Variants in ATP8B4 observed in about 807,000 individuals in gnomAD.
The protein encoded by ATP8B4 is ATPase phospholipid transporting 8B4 (putative), also known as probable phospholipid-transporting ATPase IM.
A neutral mutation model predicts 145.6 loss-of-function variants in ATP8B4; 133 were observed. The ratio of observed to expected loss-of-function variants is 0.91; its 90% CI spans 0.79 to 1.05. The LOEUF (loss-of-function observed/expected upper bound fraction) is 1.05, where lower values mean the gene tolerates loss of function less well. Among genes scored for constraint, ATP8B4 ranks in the 50% least tolerant of loss-of-function variants. The pLI is 0.00. For synonymous variants in ATP8B4, 507 were observed against 492.9 expected (o/e 1.03, Z -0.38); for missense variants, 1,458 against 1,425.2 (o/e 1.02, Z -0.37).
At chr15:49,987,694 C>G in intron 9 of ATP8B4, 145 bp from the exon 10 acceptor site, 1 of 821,218 alleles carries the variant, frequency 1.2e-6, no homozygotes, top group Non-Finnish European at 1.8e-6. Flanking sequence ...AAAAAATAAG[C>G]TGGGAGGTAG....
rs1294911445 is a variant in ATP8B4, at chr15:49,898,366, A to T, written c.2290-115T>A. ...TTTCATTTGTTTGCTAAACCATTTC[A>T]TTCACTCCAAAAAGTCATTGTTGAT... On this transcript the variant is annotated intron_variant, in intron 21 of 27. Transcript: ENST00000284509. 5 of 1,111,450 alleles carry T rather than the reference A, an allele frequency of 4.5e-6. No individual in the cohort carries two copies. In the East Asian group the frequency reaches 1.3e-4, roughly 29 times the overall value. 68.8% of individuals were successfully genotyped at this position (1,111,450 alleles called of 1,614,324 possible). A position where few individuals can be genotyped will look rare whatever the true frequency, so the allele number is the denominator to read the frequency against.
At chr15:50,115,901 G>A (rs1321580932) in intron 1 of ATP8B4, among the ~76,000 whole-genome samples, 2 of 152,214 alleles carry the variant, frequency 1.3e-5, no homozygotes, top group South Asian at 4.1e-4. Flanking sequence ...GTTGCGGGGA[G>A]ACAGAAGAGG....
At chr15:49,971,460 G>A (rs1028227846) in intron 13 of ATP8B4, among the ~76,000 whole-genome samples, 11 of 152,248 alleles carry the variant, frequency 7.2e-5, no homozygotes, top group African/African-American at 2.2e-4. Context: ...AGTGGGCAAA[G>A]GATATGAACA....
At chr15:50,111,915 C>A (rs1286428456) in intron 1 of ATP8B4, among the ~76,000 whole-genome samples, 3 of 152,136 alleles carry the variant, frequency 2.0e-5, no homozygotes, top group Non-Finnish European at 2.9e-5. Flanking sequence ...TGCCTGTAAT[C>A]CCAACACTTT....
chr15:50,034,985 C>A (rs1283600654), intron 6 of ATP8B4, among the ~76,000 whole-genome samples: 1 of 152,152 alleles, frequency 6.6e-6, no homozygotes, highest in African/African-American at 2.4e-5. Context: ...GTCACATTAA[C>A]GTCTACAAGA....
intron 1 of ATP8B4, among the ~76,000 whole-genome samples, chr15:50,162,654 C>T (rs2044538363): frequency 6.6e-6 from 1 of 152,044 alleles, no homozygotes; most frequent in East Asian, 1.9e-4. Context: ...CTACAGGCGC[C>T]CGCCACCACG....
intron 9 of ATP8B4, among the ~76,000 whole-genome samples, chr15:49,992,021 A>C (rs1443654530): frequency 6.6e-6 from 1 of 152,126 alleles, no homozygotes; most frequent in South Asian, 2.1e-4. Flanking sequence ...GTCCTTTGTA[A>C]AATAGGCTTT....
Position 49,860,268 on chromosome 15 carries a change from A to T in ATP8B4, c.3505T>A (p.Trp1169Arg). Residue 1169 changes from tryptophan to arginine, a missense_variant, in exon 28 of 28, where the codon TGG becomes AGG. Physicochemically the swap from Trp to Arg is moderately radical, Grantham distance 101 (BLOSUM62 -3). Transcript: ENST00000284509. ...LEKTHYNSTS[W>R]IENLCKKTTD... ...GTTTTCTTACATAAATTTTCAATCC[A>T]GCTAGTGCTATTATAATGTGTCTTT... 1 of 1,614,166 alleles carries T rather than the reference A, an allele frequency of 6.2e-7. No homozygotes were observed. Among genetic ancestry groups the T allele is most frequent in the Non-Finnish European group, 8.5e-7 (1 of 1,180,006 alleles).
intron 6 of ATP8B4, among the ~76,000 whole-genome samples, chr15:50,015,429 G>A (rs2049017893): frequency 6.6e-6 from 1 of 152,186 alleles, no homozygotes; most frequent in African/African-American, 2.4e-5. Flanking sequence ...TGGCAGGTCT[G>A]GGACCAGAAC....
At chr15:50,164,124 C>T (rs1279488511) in intron 1 of ATP8B4, among the ~76,000 whole-genome samples, 1 of 152,178 alleles carries the variant, frequency 6.6e-6, no homozygotes, top group Non-Finnish European at 1.5e-5. Flanking sequence ...GCTCTATCCC[C>T]ACTGTGGCTG....
At chr15:49,915,854 T>C (rs2039684509) in intron 20 of ATP8B4, among the ~76,000 whole-genome samples, 1 of 150,858 alleles carries the variant, frequency 6.6e-6, no homozygotes, top group Non-Finnish European at 1.5e-5. Context: ...TTTTTTTAAC[T>C]GCAGGTAAAA....
chr15:50,030,485 G>A (rs189886908), intron 6 of ATP8B4, among the ~76,000 whole-genome samples: 150 of 152,224 alleles, frequency 9.9e-4, no homozygotes, highest in Non-Finnish European at 1.8e-3. Flanking sequence ...GGGGAGACTG[G>A]AGCCAGCTAC....
At chr15:50,027,361 T>G (rs1318322852) in intron 6 of ATP8B4, among the ~76,000 whole-genome samples, 1 of 74,432 alleles carries the variant, frequency 1.3e-5, no homozygotes, top group Non-Finnish European at 2.5e-5. Context: ...AAGTGTTATT[T>G]AAATATGGGA....
At chr15:49,926,371 T>C (rs2040726698) in intron 16 of ATP8B4, among the ~76,000 whole-genome samples, 1 of 152,102 alleles carries the variant, frequency 6.6e-6, no homozygotes, top group Non-Finnish European at 1.5e-5. Context: ...ACCATACATC[T>C]AAGGGAAGCT....
intron 19 of ATP8B4, 106 bp from the exon 20 acceptor site, chr15:49,917,145 G>T: frequency 9.8e-7 from 1 of 1,023,346 alleles, no homozygotes; most frequent in South Asian, 1.4e-5. Context: ...AAGCCTACAG[G>T]GGGCTGATGT....
chr15:49,970,792 A>T (rs1029581876), intron 13 of ATP8B4, among the ~76,000 whole-genome samples: 17 of 152,196 alleles, frequency 1.1e-4, no homozygotes, highest in Non-Finnish European at 2.2e-4. Context: ...ATATGGAACC[A>T]AAAAAGAGCC....
chr15:50,044,071 T>C (rs2051534796), intron 5 of ATP8B4, among the ~76,000 whole-genome samples: 1 of 152,214 alleles, frequency 6.6e-6, no homozygotes, highest in East Asian at 1.9e-4. Context: ...AGGCTATTAG[T>C]AAAGTTTTGA....
At chr15:49,951,134 G>C (rs990991440) in intron 14 of ATP8B4, among the ~76,000 whole-genome samples, 1 of 152,190 alleles carries the variant, frequency 6.6e-6, no homozygotes, top group African/African-American at 2.4e-5. Context: ...TTCAATTTTA[G>C]AATAAGTGCC....
At chr15:50,157,638 T>C (rs1209171671) in intron 1 of ATP8B4, among the ~76,000 whole-genome samples, 1 of 152,204 alleles carries the variant, frequency 6.6e-6, no homozygotes, top group African/African-American at 2.4e-5. Flanking sequence ...TTTTTTTCTA[T>C]ACCTGTGAAG....
Sources: allele counts gnomAD v4.1 joint callset (sites outside exome capture counted in the v4.1 genomes callset), GRCh38; gene constraint gnomAD v4.1.1; transcripts MANE v1.5; gene names NCBI Gene and HGNC (gene_info 2026-07-23, HGNC 2026-07-21).